Variants in MSANTD3 observed in about 807,000 individuals in gnomAD.
MSANTD3 encodes the protein myb/SANT-like DNA-binding domain-containing protein 3.
In MSANTD3, 11 loss-of-function variants were observed where a neutral mutation model predicts 27.7. The observed-to-expected ratio is 0.40, with a 90% CI of 0.25 to 0.66. MSANTD3 has a LOEUF of 0.66. MSANTD3 is among the 30% of genes least tolerant of loss of function. MSANTD3 has a pLI of 0.41. For synonymous variants in MSANTD3, 131 were observed against 127.2 expected (o/e 1.03, Z -0.20); for missense variants, 250 against 336.5 (o/e 0.74, Z 2.01).
chr9:100,450,319 T>C lies in MSANTD3; in HGVS notation c.419-238T>C, dbSNP rs748028094. 3.9e-5 allele frequency among the ~76,000 whole-genome samples: 6 copies of C among 152,164 alleles called. No individual in the cohort carries two copies. In the East Asian group the frequency reaches 1.2e-3, roughly 29 times the overall value. ...TGACCACGGATCCCATACTTTGAAG[T>C]TCTAGAAATAACCTAACAAAACCCC... On this transcript the variant is annotated intron_variant, in intron 2 of 2. Transcript: ENST00000395067.
intron 2 of MSANTD3, chr9:100,445,372 G>A (rs73655549): frequency 0.15 from 87,978 of 582,320 alleles, 7,723 homozygotes; most frequent in Middle Eastern, 0.22. Context: ...GAGGCTCATA[G>A]GCACTTGAAA....
At position 100,439,179 on chromosome 9, in the gene MSANTD3, A is replaced by G. The variant is rs553732206; in HGVS notation, c.-33-2727A>G. The stretch of plus-strand genomic sequence containing the variant: ...TGATCAGGTTCTGTCACCCTCATGT[A>G]AAGACCACACTCCTTGGCGTCAATT... On this transcript the variant is annotated intron_variant, in intron 1 of 2. Transcript: ENST00000395067. Among the ~76,000 whole-genome samples the G allele has an allele frequency of 2.0e-5, 3 of 152,296 alleles. No homozygotes were observed. In the South Asian group the frequency reaches 6.2e-4, roughly 32 times the overall value.
Position 100,435,753 on chromosome 9 carries a change from T to C in MSANTD3, c.-33-6153T>C, listed in dbSNP as rs371250028. On this transcript the variant is annotated intron_variant, in intron 1 of 2. Coordinates refer to ENST00000395067, the MANE Select transcript of MSANTD3 (RefSeq NM_080655.3). ...GCCAGCTTCCTGGTGTCTCTACTTA[T>C]CAAGGCACTAACCCCACTGGACCAG... Among the ~76,000 whole-genome samples, 7 of 152,168 alleles carry C rather than the reference T, an allele frequency of 4.6e-5. No individual in the cohort carries two copies. The East Asian group carries it at 5.8e-4, about 13-fold the overall frequency.
At position 100,445,967 on chromosome 9, in the gene MSANTD3, C is replaced by G. The variant is rs116241164; in HGVS notation, c.418+3611C>G. Among the ~76,000 whole-genome samples, 899 of 152,262 alleles carry G rather than the reference C, an allele frequency of 5.9e-3. 9 individuals carry two copies. The highest frequency in any genetic ancestry group is 0.02 in the African/African-American group (839 of 41,534). On this transcript the variant is annotated intron_variant, in intron 2 of 2. Transcript: ENST00000395067. ...ATATATTAAAACAATTTACACCCTGCAGATTTTATGATGTGTGATAATTTG... is the reference window on the plus strand; with the variant it reads ...ATATATTAAAACAATTTACACCCTGGAGATTTTATGATGTGTGATAATTTG...
Position 100,440,418 on chromosome 9 carries a change from C to T in MSANTD3, c.-33-1488C>T, listed in dbSNP as rs933517746. On this transcript the variant is annotated intron_variant, in intron 1 of 2. Coordinates refer to ENST00000395067, the MANE Select transcript of MSANTD3 (RefSeq NM_080655.3). ...TAAAGAGGGACACTGGACTCAGTCTCTTAAGTGCCTAGGCCCTTTCACATC... is the reference window on the plus strand; with the variant it reads ...TAAAGAGGGACACTGGACTCAGTCTTTTAAGTGCCTAGGCCCTTTCACATC... Among the ~76,000 whole-genome samples the T allele has an allele frequency of 3.3e-5, 5 of 152,222 alleles. No individual in the cohort carries two copies. In the East Asian group the frequency reaches 9.7e-4, roughly 29 times the overall value.
At chr9:100,439,498 C>G (rs144586931) in intron 1 of MSANTD3, among the ~76,000 whole-genome samples, 2,405 of 151,332 alleles carry the variant, frequency 0.016, 28 homozygotes, top group Non-Finnish European at 0.021. Context: ...CAAGTTGGTT[C>G]CTAATTTTTT....
chr9:100,438,244 T>TA (rs1490557133), intron 1 of MSANTD3, among the ~76,000 whole-genome samples: 1 of 152,098 alleles, frequency 6.6e-6, no homozygotes. Context: ...TGGCACAGAA[T>TA]AAAAAAACAA....
intron 2 of MSANTD3, chr9:100,448,562 TG>T (rs1219805358): frequency 2.6e-5 from 26 of 985,416 alleles, no homozygotes; most frequent in Non-Finnish European, 3.0e-5. Flanking sequence ...TGTGACCCAC[TG>T]CACGTAATTC....
intron 1 of MSANTD3, among the ~76,000 whole-genome samples, chr9:100,436,166 C>T (rs191319156): frequency 1.5e-3 from 228 of 152,204 alleles, no homozygotes; most frequent in African/African-American, 5.3e-3. Flanking sequence ...GAGATGGGGT[C>T]TCACTGTGTT....
At chr9:100,440,302 ACTTTCTAT>A (rs1268287722) in intron 1 of MSANTD3, among the ~76,000 whole-genome samples, 1 of 152,108 alleles carries the variant, frequency 6.6e-6, no homozygotes, top group East Asian at 1.9e-4. Flanking sequence ...CAAGCTCTGG[ACTTTCTAT>A]GTCACCATCT....
At chr9:100,432,195 G>C (rs1320867588) in intron 1 of MSANTD3, among the ~76,000 whole-genome samples, 1 of 152,122 alleles carries the variant, frequency 6.6e-6, no homozygotes, top group African/African-American at 2.4e-5. Flanking sequence ...TGGAAAAGTG[G>C]TAGAGAGGGA....
Position 100,436,418 on chromosome 9 carries a change from C to G in MSANTD3, c.-33-5488C>G, listed in dbSNP as rs376128160. Among the ~76,000 whole-genome samples, 5 of 152,240 alleles carry G rather than the reference C, an allele frequency of 3.3e-5. No homozygotes were observed. In the East Asian group the frequency reaches 9.7e-4, roughly 29 times the overall value. On this transcript the variant is annotated intron_variant, in intron 1 of 2. Transcript: ENST00000395067. ...GCATTTATGAAATGTTTACTGAGCG[C>G]CTACTTTGTGAGGGTCACTGGGCTG...
chr9:100,429,414 C>T (rs906626827), intron 1 of MSANTD3: 1 of 152,320 alleles, frequency 6.6e-6, no homozygotes, highest in South Asian at 2.1e-4. Context: ...AACATTCATT[C>T]AACAAATGTC....
intron 2 of MSANTD3, among the ~76,000 whole-genome samples, chr9:100,446,949 C>G (rs547384526): frequency 9.2e-5 from 14 of 152,146 alleles, no homozygotes; most frequent in Non-Finnish European, 1.9e-4. Context: ...CCAGTCAGCC[C>G]TATTTCCTGT....
At chr9:100,442,889 T>C (rs1836663099) in intron 2 of MSANTD3, among the ~76,000 whole-genome samples, 1 of 151,990 alleles carries the variant, frequency 6.6e-6, no homozygotes, top group East Asian at 1.9e-4. Flanking sequence ...TTGGAGACTT[T>C]ATTATTACTT....
intron 1 of MSANTD3, among the ~76,000 whole-genome samples, chr9:100,435,105 A>G: frequency 6.6e-6 from 1 of 152,202 alleles, no homozygotes; most frequent in East Asian, 1.9e-4. Flanking sequence ...TTCACGTTGC[A>G]GGACTTTTGC....
chr9:100,439,833 T>G (rs1160690080), intron 1 of MSANTD3, among the ~76,000 whole-genome samples: 2 of 152,088 alleles, frequency 1.3e-5, no homozygotes, highest in Admixed American at 6.5e-5. Flanking sequence ...CCTAATTTTT[T>G]GACATGATTG....
Position 100,438,522 on chromosome 9 carries a change from G to A in MSANTD3, c.-33-3384G>A, listed in dbSNP as rs373279561. On this transcript the variant is annotated intron_variant, in intron 1 of 2. Coordinates refer to ENST00000395067, the MANE Select transcript of MSANTD3 (RefSeq NM_080655.3). ...GGGGAGTAATCCTTTTTTCATTTGTGAATCAGAGTTCTTAATCCTTACAGC... is the reference window on the plus strand; with the variant it reads ...GGGGAGTAATCCTTTTTTCATTTGTAAATCAGAGTTCTTAATCCTTACAGC... 2.6e-5 allele frequency among the ~76,000 whole-genome samples: 4 copies of A among 152,002 alleles called. No homozygotes were observed. The East Asian group carries it at 7.7e-4, about 29-fold the overall frequency.
At chr9:100,433,281 CT>C (rs1419710480) in intron 1 of MSANTD3, among the ~76,000 whole-genome samples, 2 of 152,044 alleles carry the variant, frequency 1.3e-5, no homozygotes, top group Admixed American at 6.5e-5. Flanking sequence ...TATATTTTTT[CT>C]TTTTCTAAAG....
Sources: allele counts gnomAD v4.1 joint callset (sites outside exome capture counted in the v4.1 genomes callset), GRCh38; gene constraint gnomAD v4.1.1; transcripts MANE v1.5; gene names NCBI Gene and HGNC (gene_info 2026-07-23, HGNC 2026-07-21).